Variants in KATNBL1 observed in about 807,000 individuals in gnomAD.
The protein encoded by KATNBL1 is katanin regulatory subunit B1 like 1.
In KATNBL1, 28 loss-of-function variants were observed where a neutral mutation model predicts 44.7. The observed-to-expected ratio is 0.63, with a 90% CI of 0.46 to 0.86. KATNBL1 has a LOEUF of 0.86. Among genes scored for constraint, KATNBL1 ranks in the 40% least tolerant of loss-of-function variants. The probability of loss-of-function intolerance (pLI) is 0.00; values close to 1 mark genes in which losing one functional copy is unlikely to be tolerated. For synonymous variants in KATNBL1, 78 were observed against 114.9 expected, an observed-to-expected ratio of 0.68 and a Z score of 2.06; for missense variants, 272 against 350.7, an observed-to-expected ratio of 0.78 and a Z score of 1.79.
At chr15:34,164,520 GA>G (rs10648450) in intron 1 of KATNBL1, among the ~76,000 whole-genome samples, 52 of 144,112 alleles carry the variant, frequency 3.6e-4, no homozygotes, top group South Asian at 2.0e-3. Flanking sequence ...CTCTACCTTT[GA>G]AAAAAAAAAA....
At chr15:34,174,931 T>C (rs1889279456) in intron 1 of KATNBL1, among the ~76,000 whole-genome samples, 1 of 151,134 alleles carries the variant, frequency 6.6e-6, no homozygotes, top group Non-Finnish European at 1.5e-5. Context: ...TATGAGCCAC[T>C]GCGACTGGCC....
Position 34,154,640 on chromosome 15 carries a change from T to C in KATNBL1, c.158+4A>G. ...TTCCCCACAAACTTTAAAGAAACTC[T>C]TACCTATTTATGTAAGCAGCCAACT... On this transcript the variant is annotated splice_donor_region_variant and intron_variant, in intron 3 of 9. Coordinates refer to ENST00000256544, the MANE Select transcript of KATNBL1 (RefSeq NM_024713.3). The C allele has an allele frequency of 2.6e-6, 4 of 1,563,972 alleles. No homozygotes were observed. The highest frequency in any genetic ancestry group is 3.5e-6 in the Non-Finnish European group (4 of 1,134,516).
At chr15:34,147,033 A>G in intron 7 of KATNBL1, 167 bp downstream of exon 7, 3 of 641,270 alleles carry the variant, frequency 4.7e-6, no homozygotes, top group Non-Finnish European at 8.3e-6. Context: ...AGATGCTTTT[A>G]TAATTGTCCT....
At position 34,170,886 on chromosome 15, in the gene KATNBL1, A is replaced by T. The variant is rs57073167; in HGVS notation, c.-14-7196T>A. ...CTGGGAAAACTGGCTAGCCATATGT[A>T]GAAAGCTGAAACTGGATCCCTTCCT... On this transcript the variant is annotated intron_variant, in intron 1 of 9. Coordinates refer to ENST00000256544, the MANE Select transcript of KATNBL1 (RefSeq NM_024713.3). Among the ~76,000 whole-genome samples the T allele has an allele frequency of 5.1e-3, 773 of 152,362 alleles. 9 individuals carry two copies. Among genetic ancestry groups the T allele is most frequent in the African/African-American group, 0.018 (728 of 41,586 alleles).
chr15:34,172,830 C>A (rs1042953750), intron 1 of KATNBL1, among the ~76,000 whole-genome samples: 6 of 151,822 alleles, frequency 4.0e-5, no homozygotes, highest in Admixed American at 2.0e-4. Context: ...CAATGGTGGT[C>A]TGTTTCCAAA....
intron 1 of KATNBL1, among the ~76,000 whole-genome samples, chr15:34,191,763 C>T (rs1267430830): frequency 1.3e-5 from 2 of 151,644 alleles, no homozygotes; most frequent in Non-Finnish European, 2.9e-5. Context: ...CTGGCTAACA[C>T]GGTGAAACCC....
chr15:34,200,619 C>A (rs1484309003), intron 1 of KATNBL1, among the ~76,000 whole-genome samples: 1 of 152,118 alleles, frequency 6.6e-6, no homozygotes, highest in Non-Finnish European at 1.5e-5. Flanking sequence ...TAACGTCAAA[C>A]TCGGGAAAGC....
At position 34,200,076 on chromosome 15, in the gene KATNBL1, A is replaced by C. The variant is rs141000807; in HGVS notation, c.-15+9875T>G. ...TGCATTTACAATCCTCTAGCTAGAC[A>C]CAGAGCACTGATGGGTGCATTTACA... On this transcript the variant is annotated intron_variant, in intron 1 of 9. Coordinates refer to ENST00000256544, the MANE Select transcript of KATNBL1 (RefSeq NM_024713.3). Among the ~76,000 whole-genome samples the C allele has an allele frequency of 5.3e-3, 811 of 152,282 alleles. 10 individuals are homozygous for C. The highest frequency in any genetic ancestry group is 0.018 in the African/African-American group (765 of 41,562).
At position 34,153,123 on chromosome 15, in the gene KATNBL1, A is replaced by G. The variant is rs1597429170; in HGVS notation, c.159-54T>C. The G allele has an allele frequency of 4.5e-6, 6 of 1,328,516 alleles. No homozygotes were observed. In the East Asian group the frequency reaches 1.2e-4, roughly 26 times the overall value. The allele number at this position is 1,328,516 out of a possible 1,614,324, so 82.3% of individuals were successfully genotyped here. On this transcript the variant is annotated intron_variant, in intron 3 of 9. Coordinates refer to ENST00000256544, the MANE Select transcript of KATNBL1 (RefSeq NM_024713.3). ...AAAAAGAACCATATGAAATCCTTTAAAAGTTTTTAAACAGAGAATTAATAG... is the reference window on the plus strand; with the variant it reads ...AAAAAGAACCATATGAAATCCTTTAGAAGTTTTTAAACAGAGAATTAATAG...
intron 3 of KATNBL1, among the ~76,000 whole-genome samples, chr15:34,153,315 A>G (rs868324428): frequency 6.6e-6 from 1 of 152,260 alleles, no homozygotes; most frequent in Non-Finnish European, 1.5e-5. Context: ...CATAATAACC[A>G]GAATGCTTTT....
chr15:34,153,190 T>C (rs1249218816), intron 3 of KATNBL1, 121 bp from the exon 4 acceptor site: 9 of 592,180 alleles, frequency 1.5e-5, no homozygotes, highest in East Asian at 3.1e-5. Context: ...TAGAAATAAA[T>C]AGAATTTTAA....
At chr15:34,172,854 A>C (rs1271660804) in intron 1 of KATNBL1, among the ~76,000 whole-genome samples, 1 of 152,150 alleles carries the variant, frequency 6.6e-6, no homozygotes, top group Admixed American at 6.6e-5. Context: ...CTGTATGTCA[A>C]CTAAGGTGGT....
chr15:34,194,608 A>G (rs1210978356), intron 1 of KATNBL1, among the ~76,000 whole-genome samples: 1 of 152,206 alleles, frequency 6.6e-6, no homozygotes, highest in Non-Finnish European at 1.5e-5. Flanking sequence ...TAGAAAACAG[A>G]GCAGGACCGT....
At chr15:34,165,476 A>G (rs191998413) in intron 1 of KATNBL1, among the ~76,000 whole-genome samples, 34 of 152,356 alleles carry the variant, frequency 2.2e-4, no homozygotes, top group African/African-American at 6.0e-4. Flanking sequence ...GGTGATGGCA[A>G]TAACATTTTG....
rs59733560 is a variant in KATNBL1, at chr15:34,172,256, C to CTTTTTTTTTTTTTTTTT, written c.-14-8583_-14-8567dup. 3.1e-5 allele frequency among the ~76,000 whole-genome samples: 3 copies of CTTTTTTTTTTTTTTTTT among 96,620 alleles called. 1 individual carries two copies. The highest frequency in any genetic ancestry group is 5.8e-5 in the Non-Finnish European group (3 of 52,080). The allele number at this position is 96,620 out of a possible 152,430, so 63.4% of individuals were successfully genotyped here. ...ACAGAGTCCTTGGGAGGAACATATTCTTTTTTTTTTTTTTTTTTGAGATGG... is the reference window on the plus strand; with the variant it reads ...ACAGAGTCCTTGGGAGGAACATATTCTTTTTTTTTTTTTTTTTTTTTTTTTTTTTTTTTTTGAGATGG... On this transcript the variant is annotated intron_variant, in intron 1 of 9. Transcript: ENST00000256544.
chr15:34,189,123 C>G (rs374181029), intron 1 of KATNBL1, among the ~76,000 whole-genome samples: 1 of 151,318 alleles, frequency 6.6e-6, no homozygotes, highest in East Asian at 1.9e-4. Context: ...CTCTGCCTCC[C>G]GGGTTCAAGT....
intron 9 of KATNBL1, among the ~76,000 whole-genome samples, chr15:34,143,521 A>G (rs951531131): frequency 1.3e-5 from 2 of 151,770 alleles, no homozygotes; most frequent in African/African-American, 4.9e-5. Context: ...CATAAGGAAC[A>G]ATCATTTTTT....
At chr15:34,146,967 A>T in intron 7 of KATNBL1, 117 bp from the exon 8 acceptor site, 2 of 704,050 alleles carry the variant, frequency 2.8e-6, no homozygotes. Context: ...CCCTTTTAAA[A>T]AATTGTTACC....
chr15:34,142,174 T>C lies in KATNBL1; in HGVS notation c.*165A>G. On this transcript the variant is annotated 3_prime_UTR_variant, in exon 10 of 10. Transcript: ENST00000256544. The stretch of plus-strand genomic sequence containing the variant: ...TTTTTCCACTTCAATGTGAAGCAGA[T>C]TGCTGGGATTTCATTAGTGGTTTCA... The C allele has an allele frequency of 1.8e-6, 1 of 564,298 alleles. No homozygotes were observed. The highest frequency in any genetic ancestry group is 2.8e-6 in the Non-Finnish European group (1 of 353,974). The allele number at this position is 564,298 out of a possible 1,614,324, so 35.0% of individuals were successfully genotyped here.
Sources: allele counts gnomAD v4.1 joint callset (sites outside exome capture counted in the v4.1 genomes callset), GRCh38; gene constraint gnomAD v4.1.1; transcripts MANE v1.5; gene names NCBI Gene and HGNC (gene_info 2026-07-23, HGNC 2026-07-21).